The following TTN variants were observed in gnomAD, a reference collection of about 807,000 sequenced individuals.
TTN encodes connectin.
TTN carries 1,525 observed loss-of-function variants against 3,223.0 expected under a neutral mutation model. The ratio of observed to expected loss-of-function variants is 0.47; its 90% CI spans 0.45 to 0.49. The LOEUF is 0.49. Ranked by LOEUF, TTN falls within the 20% of genes least tolerant of loss-of-function variation. The pLI, the probability that TTN is intolerant of heterozygous loss-of-function variation, is 0.00. For synonymous variants in TTN, 14,094 were observed against 15,161.0 expected (o/e 0.93, Z 5.17); for missense variants, 40,786 against 43,424.0 (o/e 0.94, Z 5.40).
In TTN at chr2:178,531,623, T is replaced by C; in HGVS notation, c.104992A>G (p.Thr34998Ala). 1 of 1,613,938 alleles carries C rather than the reference T, an allele frequency of 6.2e-7. No homozygotes were observed. The highest frequency in any genetic ancestry group is 8.5e-7 in the Non-Finnish European group (1 of 1,179,874). ...IHYTNTSGVL[T>A]LEILDCHTDD... is the part of the protein sequence containing the mutation. ...GTATGACAGTCCAGAATTTCCAGGG[T>C]GAGGACTCCACTCGTGTTGGTGTAA... The change falls in exon 358 of 363, where the codon ACC (threonine) becomes GCC (alanine). Residue 34998 changes from threonine (T) to alanine (A), a missense_variant. By Grantham distance (58) the Thr-to-Ala change is moderately conservative. Transcript: ENST00000589042.
In TTN at chr2:178,550,181, T is replaced by A. The variant is rs1314966774; in HGVS notation, c.91657A>T (p.Arg30553Ter). Reference sequence around the variant, plus strand: ...AACCAAGTTACTCGAGGCACTGGTCTTCCTTGTACCAAAGCTTTAATTCTA... The same window carrying A: ...AACCAAGTTACTCGAGGCACTGGTCATCCTTGTACCAAAGCTTTAATTCTA... ...SLRIKALVQG[R>*]PVPRVTWFKD... The change falls in exon 337 of 363, where the codon AGA (arginine) becomes TGA (stop). Residue 30553 changes from arginine to a stop codon, truncating the protein, a stop_gained. Coordinates refer to ENST00000589042, the MANE Select transcript of TTN (RefSeq NM_001267550.2). LOFTEE classifies it high-confidence loss of function. 6.2e-7 allele frequency: 1 copy of A among 1,613,824 alleles called. No individual in the cohort carries two copies. Among genetic ancestry groups the A allele is most frequent in the Admixed American group, 1.7e-5 (1 of 60,000 alleles).
intron 18 of TTN, 63 bp from the exon 19 acceptor site, chr2:178,782,665 C>A (rs2092883277): frequency 1.2e-6 from 2 of 1,606,282 alleles, no homozygotes; most frequent in Admixed American, 3.4e-5. Context: ...TTAGCACTGA[C>A]AGTTAAATTG....
At chr2:178,694,458 C>A in intron 117 of TTN, 141 bp downstream of exon 117, 1 of 549,228 alleles carries the variant, frequency 1.8e-6, no homozygotes. Flanking sequence ...ATGTGCAACT[C>A]AACATAAAAT....
chr2:178,572,529 A>G lies in TTN; in HGVS notation c.73603T>C (p.Ser24535Pro). Reference protein sequence around the residue: ...DLKVKEVTKTSVTLTWDPPLL... With the variant: ...DLKVKEVTKTPVTLTWDPPLL... The stretch of plus-strand genomic sequence containing the variant: ...GGTGGGTCCCATGTGAGTGTGACAG[A>G]TGTCTTAGTGACCTCTTTTACCTTC... The change falls in exon 326 of 363, where the codon TCT becomes CCT. Residue 24535 changes from serine (S) to proline (P), a missense_variant. Physicochemically the swap from Ser to Pro is moderately conservative, Grantham distance 74 (BLOSUM62 -1). Coordinates refer to ENST00000589042, the MANE Select transcript of TTN (RefSeq NM_001267550.2). 1.2e-6 allele frequency: 2 copies of G among 1,613,394 alleles called. No individual in the cohort carries two copies. Among genetic ancestry groups the G allele is most frequent in the Non-Finnish European group, 1.7e-6 (2 of 1,179,584 alleles).
In TTN at chr2:178,547,726, G is replaced by A. The variant is rs200173934; in HGVS notation, c.93900C>T (p.Ser31300=). 9.7e-4 allele frequency: 1,559 copies of A among 1,613,886 alleles called. 1 individual carries two copies. The highest frequency in any genetic ancestry group is 1.2e-3 in the Non-Finnish European group (1,453 of 1,179,840). Residue 31300 remains serine (S), a synonymous_variant, in exon 339 of 363, where the codon AGC becomes AGT. Coordinates refer to ENST00000589042, the MANE Select transcript of TTN (RefSeq NM_001267550.2). ...LENTAGVKTF[S]VTVVVIGRPG... ...GCCTTCCAATGACCACAACTGTGACGCTAAATGTTTTAACACCAGCTGTAT... is the reference window on the plus strand; with the variant it reads ...GCCTTCCAATGACCACAACTGTGACACTAAATGTTTTAACACCAGCTGTAT...
intron 43 of TTN, among the ~76,000 whole-genome samples, chr2:178,760,599 G>A (rs1447495905): frequency 6.6e-6 from 1 of 152,072 alleles, no homozygotes; most frequent in Non-Finnish European, 1.5e-5. Context: ...TAAGCTTTCT[G>A]GATTAGTCTT....
chr2:178,800,506 G>C lies in TTN; in HGVS notation c.472C>G (p.Leu158Val). 6.2e-7 allele frequency: 1 copy of C among 1,614,162 alleles called. No individual in the cohort carries two copies. Among genetic ancestry groups the C allele is most frequent in the Non-Finnish European group, 8.5e-7 (1 of 1,180,022 alleles). Residue 158 changes from leucine (L) to valine (V), a missense_variant, in exon 4 of 363, where the codon CTC (leucine) becomes GTC (valine). Leu to Val is a conservative substitution (Grantham distance 32). Transcript: ENST00000589042. ...GCTTCTGCAATCAGTAAGCTGTAGAGGTCGCCTTCTTGTGAAATTTGGAAA... is the reference window on the plus strand; with the variant it reads ...GCTTCTGCAATCAGTAAGCTGTAGACGTCGCCTTCTTGTGAAATTTGGAAA... ...LDFQISQEGD[L>V]YSLLIAEAYP...
rs781376870 is a variant in TTN at position 178,605,184 on chromosome 2, A to G, written c.53993T>C (p.Ile17998Thr). 13 of 1,612,210 alleles carry G rather than the reference A, an allele frequency of 8.1e-6. No individual in the cohort carries two copies. The highest frequency in any genetic ancestry group is 3.3e-5 in the South Asian group (3 of 91,006). ...TACAGTTTCATTTTTGGACCATTCAATCTTAGGCATTGGAAGGCCTGTCAC... is the reference window on the plus strand; with the variant it reads ...TACAGTTTCATTTTTGGACCATTCAGTCTTAGGCATTGGAAGGCCTGTCAC... The part of the protein sequence containing the change: ...ADVTGLPMPK[I>T]EWSKNETVIE... Residue 17998 changes from isoleucine to threonine, a missense_variant, in exon 280 of 363, where the codon ATT (isoleucine) becomes ACT (threonine). Coordinates refer to ENST00000589042, the MANE Select transcript of TTN (RefSeq NM_001267550.2).
Position 178,548,460 on chromosome 2 carries a change from G to T in TTN, c.93166C>A (p.Arg31056=), listed in dbSNP as rs72648250. 9 of 1,613,796 alleles carry T rather than the reference G, an allele frequency of 5.6e-6. No individual in the cohort carries two copies. In the South Asian group the frequency reaches 9.9e-5, roughly 18 times the overall value. Residue 31056 remains arginine, a synonymous_variant, in exon 339 of 363, where the codon CGA becomes AGA. Coordinates refer to ENST00000589042, the MANE Select transcript of TTN (RefSeq NM_001267550.2). The surrounding 1 kb of genome is among the most constrained non-coding windows in gnomAD (Gnocchi z 4.3). Reference sequence around the variant, plus strand: ...TGCCAACTACGGCGACTTGCCTCTCGTTTCTCTACCACATAATGATGGATT... The same window carrying T: ...TGCCAACTACGGCGACTTGCCTCTCTTTTCTCTACCACATAATGATGGATT... ...ARIHHYVVEK[R]EASRRSWQVI...
At chr2:178,733,948 C>A in intron 52 of TTN, 56 bp from the exon 53 acceptor site, 2 of 1,472,306 alleles carry the variant, frequency 1.4e-6, no homozygotes, top group East Asian at 2.3e-5. Flanking sequence ...CTTTCAACAC[C>A]ATCTATATTT....
chr2:178,624,777 A>G, intron 241 of TTN, 46 bp from the exon 242 acceptor site: 5 of 1,599,984 alleles, frequency 3.1e-6, no homozygotes, highest in Non-Finnish European at 4.3e-6. Context: ...TTCCTTCTCC[A>G]AGAGTTTTGG....
chr2:178,664,618 A>G (rs775930092), intron 167 of TTN, 36 bp downstream of exon 167: 72 of 1,608,610 alleles, frequency 4.5e-5, no homozygotes, highest in Non-Finnish European at 5.5e-5. Context: ...AAGAAAAGAC[A>G]TGTTCCCACC....
At position 178,696,211 on chromosome 2, in the gene TTN, G is replaced by T; in HGVS notation, c.30861C>A (p.Thr10287=). The change falls in exon 114 of 363, where the codon ACC becomes ACA. Residue 10287 remains threonine, a synonymous_variant. Coordinates refer to ENST00000589042, the MANE Select transcript of TTN (RefSeq NM_001267550.2). ...TTTCTTTCTGAACCTCTTTCTTTCT[G>T]GTTATAGTCATTATTTTTACTTCTT... The part of the protein sequence containing the change: ...KAEEVKIMTI[T]RKKEVQKEKE... 6.4e-7 allele frequency: 1 copy of T among 1,563,410 alleles called. No homozygotes were observed.
rs771474147 is a variant in TTN at position 178,711,986 on chromosome 2, T to G, written c.27844A>C (p.Ser9282Arg). The change falls in exon 96 of 363, where the codon AGC (serine) becomes CGC (arginine). Residue 9282 changes from serine (S) to arginine (R), a missense_variant. By Grantham distance (110) the Ser-to-Arg change is moderately radical. Transcript: ENST00000589042. ...GTTGATGCAGAAACTTCTCCCACGCTGTTTTCAGCTTTGCAGATATATTCT... is the reference window on the plus strand; with the variant it reads ...GTTGATGCAGAAACTTCTCCCACGCGGTTTTCAGCTTTGCAGATATATTCT... ...SGEYICKAENSVGEVSASTFL... is the reference protein window; with the variant it reads ...SGEYICKAENRVGEVSASTFL... 3.7e-6 allele frequency: 6 copies of G among 1,609,550 alleles called. No homozygotes were observed. Among genetic ancestry groups the G allele is most frequent in the Non-Finnish European group, 5.1e-6 (6 of 1,176,798 alleles).
At position 178,614,460 on chromosome 2, in the gene TTN, C is replaced by T; in HGVS notation, c.49048+6G>A. ...TATCCCCTTTTAAAATGAGAACCTT[C>T]CTTACCTAAGACGTTCACTTCCACC... On this transcript the variant is annotated splice_donor_region_variant and intron_variant, in intron 261 of 362. Transcript: ENST00000589042. The T allele has an allele frequency of 6.3e-7, 1 of 1,592,914 alleles. No homozygotes were observed. The highest frequency in any genetic ancestry group is 8.5e-7 in the Non-Finnish European group (1 of 1,171,702).
Position 178,601,875 on chromosome 2 carries a change from T to G in TTN, c.55302+7A>C. 1.2e-6 allele frequency: 2 copies of G among 1,609,796 alleles called. No individual in the cohort carries two copies. Among genetic ancestry groups the G allele is most frequent in the Non-Finnish European group, 1.7e-6 (2 of 1,178,450 alleles). ...ATTCTGAATTATTTTAATTATTATT[T>G]TTTTACCTGTGCATCTTCGGGTATG... is the stretch of plus-strand genomic sequence containing the variant. On this transcript the variant is annotated splice_region_variant and intron_variant, in intron 285 of 362. Coordinates refer to ENST00000589042, the MANE Select transcript of TTN (RefSeq NM_001267550.2).
chr2:178,739,573 T>C lies in TTN; in HGVS notation c.13660A>G (p.Lys4554Glu). The change falls in exon 48 of 363, where the codon AAA (lysine) becomes GAA (glutamate). Residue 4554 changes from lysine to glutamate, a missense_variant. Physicochemically the swap from Lys to Glu is moderately conservative, Grantham distance 56 (BLOSUM62 1). Transcript: ENST00000589042. ...GAGACAACAGCTGAAGCAACCCCTT[T>C]AGTGACAGGTGTGGCATCCAAATAT... ...VKYLDATPVT[K>E]GVASAVVSDE... 6.2e-7 allele frequency: 1 copy of C among 1,613,810 alleles called. No individual in the cohort carries two copies. Among genetic ancestry groups the C allele is most frequent in the African/African-American group, 1.3e-5 (1 of 75,022 alleles).
At chr2:178,714,953 G>T in intron 90 of TTN, 33 bp downstream of exon 90, 2 of 1,576,786 alleles carry the variant, frequency 1.3e-6, no homozygotes, top group Non-Finnish European at 1.7e-6. Context: ...TAGAAGGGAA[G>T]TAGTGAGCAG....
chr2:178,617,874 CCTT>C lies in TTN; in HGVS notation c.47474_47476del (p.Glu15825del). The C allele has an allele frequency of 3.1e-6, 5 of 1,612,650 alleles. No homozygotes were observed. The highest frequency in any genetic ancestry group is 4.2e-6 in the Non-Finnish European group (5 of 1,179,100). On this transcript the variant is annotated inframe_deletion, in exon 253 of 363. Transcript: ENST00000589042. ...TCTCACTCGGAAACTGTACTCCTGT[CCTT>C]CTACCACATCAGTAACAGTTGCAGA... is the stretch of plus-strand genomic sequence containing the variant.
Sources: allele counts gnomAD v4.1 joint callset (sites outside exome capture counted in the v4.1 genomes callset), GRCh38; gene constraint gnomAD v4.1.1; non-coding constraint Gnocchi (gnomAD v3.1); transcripts MANE v1.5; gene names NCBI Gene and HGNC (gene_info 2026-07-23, HGNC 2026-07-21).